Variants in MRPS9 observed in about 807,000 individuals in gnomAD.
MRPS9 encodes small ribosomal subunit protein uS9m.
Under a neutral mutation model 59.9 loss-of-function variants are expected in MRPS9, and 45 were observed. The ratio of observed to expected loss-of-function variants is 0.75; its 90% CI spans 0.59 to 0.96. MRPS9 has a LOEUF of 0.96. MRPS9 is among the 40% of genes least tolerant of loss of function. The pLI is 0.00. For synonymous variants in MRPS9, 171 were observed against 166.8 expected (o/e 1.03, Z -0.19); for missense variants, 473 against 481.1 (o/e 0.98, Z 0.16).
rs1460006234 is a variant in MRPS9 at position 105,088,687 on chromosome 2, A to G, written c.490-297A>G. Among the ~76,000 whole-genome samples, 8 of 152,168 alleles carry G rather than the reference A, an allele frequency of 5.3e-5. No individual in the cohort carries two copies. In the East Asian group the frequency reaches 1.2e-3, roughly 22 times the overall value. ...AAAGGTTTTTGGTTTTTTTTAACCA[A>G]CCTCACTGAAGTAGAGTTGTAAAAT... On this transcript the variant is annotated intron_variant, in intron 5 of 10. Coordinates refer to ENST00000258455, the MANE Select transcript of MRPS9 (RefSeq NM_182640.3).
At chr2:105,092,182 CTCTT>C (rs1393786384) in intron 7 of MRPS9, 7 of 429,636 alleles carry the variant, frequency 1.6e-5, no homozygotes, top group Non-Finnish European at 2.9e-5. Flanking sequence ...AATGATAAAT[CTCTT>C]TGTTTCTTGA....
intron 1 of MRPS9, among the ~76,000 whole-genome samples, chr2:105,047,431 T>C (rs1679613376): frequency 1.3e-5 from 2 of 152,160 alleles, no homozygotes; most frequent in South Asian, 4.1e-4. Flanking sequence ...CTTGTGTAAC[T>C]TTAGTGACAA....
intron 2 of MRPS9, among the ~76,000 whole-genome samples, chr2:105,059,241 A>G (rs77265132): frequency 0.01 from 1,583 of 152,328 alleles, 24 homozygotes; most frequent in African/African-American, 0.036. Flanking sequence ...TATTTTGGGA[A>G]AATGCCTTTT....
intron 2 of MRPS9, among the ~76,000 whole-genome samples, chr2:105,060,580 C>T (rs558415430): frequency 5.3e-5 from 8 of 152,152 alleles, no homozygotes; most frequent in East Asian, 2.0e-4. Context: ...TGCACCTGGC[C>T]GCTATTGTGT....
intron 5 of MRPS9, among the ~76,000 whole-genome samples, chr2:105,084,642 C>G (rs868383199): frequency 9.2e-5 from 14 of 152,220 alleles, no homozygotes; most frequent in Admixed American, 2.0e-4. Flanking sequence ...TGACCCTTCT[C>G]GCAGTGAGGT....
At chr2:105,061,109 C>CA (rs751155585) in intron 2 of MRPS9, among the ~76,000 whole-genome samples, 722 of 47,916 alleles carry the variant, frequency 0.015, 55 homozygotes, top group Middle Eastern at 0.037. Context: ...GACTCTGTCT[C>CA]AAAAAAAAAA....
chr2:105,088,970 T>G lies in MRPS9; in HGVS notation c.490-14T>G. 1 of 1,576,354 alleles carries G rather than the reference T, an allele frequency of 6.3e-7. No homozygotes were observed. Among genetic ancestry groups the G allele is most frequent in the Non-Finnish European group, 8.7e-7 (1 of 1,151,632 alleles). On this transcript the variant is annotated splice_polypyrimidine_tract_variant and intron_variant, in intron 5 of 10. Transcript: ENST00000258455. ...CTTATTTTTAGCATGTACTGTATAT[T>G]TTGTTTGCCATAGGATGTATATGGA...
chr2:105,056,048 G>A (rs1396066245), intron 2 of MRPS9, among the ~76,000 whole-genome samples: 2 of 152,102 alleles, frequency 1.3e-5, no homozygotes, highest in Non-Finnish European at 2.9e-5. Flanking sequence ...TCCAGATAAG[G>A]GAAACCTATT....
intron 10 of MRPS9, 66 bp from the exon 11 acceptor site, chr2:105,099,604 A>T: frequency 6.8e-7 from 1 of 1,474,790 alleles, no homozygotes; most frequent in Middle Eastern, 1.9e-4. Flanking sequence ...AAATTTATGA[A>T]CCTGCTTTTC....
At chr2:105,054,300 C>T (rs965329071) in intron 2 of MRPS9, among the ~76,000 whole-genome samples, 20 of 152,320 alleles carry the variant, frequency 1.3e-4, no homozygotes, top group Admixed American at 5.9e-4. Context: ...TCTGCTTTGT[C>T]ACACAAGTCT....
chr2:105,083,437 C>G (rs1220723998), intron 5 of MRPS9, among the ~76,000 whole-genome samples: 1 of 152,090 alleles, frequency 6.6e-6, no homozygotes, highest in Non-Finnish European at 1.5e-5. Flanking sequence ...GGGCCGCAGC[C>G]TTGGTGTTCA....
intron 2 of MRPS9, among the ~76,000 whole-genome samples, chr2:105,057,742 G>GT (rs984999349): frequency 6.6e-6 from 1 of 151,764 alleles, no homozygotes; most frequent in African/African-American, 2.4e-5. Context: ...AAATCATACT[G>GT]TAAACACCAA....
intron 4 of MRPS9, among the ~76,000 whole-genome samples, chr2:105,079,307 A>G (rs72832259): frequency 0.085 from 10,850 of 128,088 alleles, 523 homozygotes; most frequent in Non-Finnish European, 0.12. Context: ...ACACAGAGTT[A>G]GCATACAACA....
At chr2:105,098,367 G>A (rs1680713982) in intron 10 of MRPS9, 1 of 152,216 alleles carries the variant, frequency 6.6e-6, no homozygotes. Flanking sequence ...TGGGCAAGTA[G>A]GTTGGTCTCT....
intron 9 of MRPS9, among the ~76,000 whole-genome samples, chr2:105,094,308 A>G (rs1435287808): frequency 6.6e-6 from 1 of 152,186 alleles, no homozygotes; most frequent in East Asian, 1.9e-4. Context: ...TTAATCATAA[A>G]TAGATACTAC....
At chr2:105,090,080 T>A (rs1680528530) in intron 7 of MRPS9, 85 bp downstream of exon 7, 3 of 650,434 alleles carry the variant, frequency 4.6e-6, no homozygotes. Context: ...AATAGTAATG[T>A]TCCTCAGAGG....
At chr2:105,081,320 G>A (rs1278661400) in intron 5 of MRPS9, among the ~76,000 whole-genome samples, 1 of 152,232 alleles carries the variant, frequency 6.6e-6, no homozygotes, top group African/African-American at 2.4e-5. Flanking sequence ...CTTGTTACAC[G>A]GATGGGTTGC....
At chr2:105,096,843 CTG>C (rs1299056127) in intron 9 of MRPS9, among the ~76,000 whole-genome samples, 1 of 152,142 alleles carries the variant, frequency 6.6e-6, no homozygotes, top group Admixed American at 6.5e-5. Flanking sequence ...AGTTCCCCAA[CTG>C]TAAGACTTCT....
chr2:105,054,274 A>G (rs951364911), intron 2 of MRPS9, among the ~76,000 whole-genome samples: 2 of 152,214 alleles, frequency 1.3e-5, no homozygotes, highest in African/African-American at 4.8e-5. Context: ...CCATAACTGG[A>G]ATCATTCTCC....
Sources: allele counts gnomAD v4.1 joint callset (sites outside exome capture counted in the v4.1 genomes callset), GRCh38; gene constraint gnomAD v4.1.1; transcripts MANE v1.5; gene names NCBI Gene and HGNC (gene_info 2026-07-23, HGNC 2026-07-21).